TBC1D23: variants seen among roughly 807,000 people sequenced by gnomAD.
TBC1D23 encodes HCV non-structural protein 4A-transactivated protein 1.
Under a neutral mutation model 91.4 loss-of-function variants are expected in TBC1D23, and 55 were observed. The ratio of observed to expected loss-of-function variants is 0.60; its 90% CI spans 0.48 to 0.75. TBC1D23 has a LOEUF of 0.75. TBC1D23 is among the 30% of genes least tolerant of loss of function. The pLI, the probability that TBC1D23 is intolerant of heterozygous loss-of-function variation, is 0.00. For missense variants in TBC1D23, 725 were observed against 836.1 expected (o/e 0.87, Z 1.64); for synonymous variants, 289 against 281.0 (o/e 1.03, Z -0.28).
intron 3 of TBC1D23, 48 bp downstream of exon 3, chr3:100,281,895 T>TTGGAAAATAAAA: frequency 7.9e-7 from 1 of 1,259,158 alleles, no homozygotes; most frequent in Non-Finnish European, 1.1e-6. Context: ...TGGAAATAAT[T>TTGGAAAATAAAA]TTTGGGTTGA....
At position 100,272,639 on chromosome 3, in the gene TBC1D23, C is replaced by T. The variant is rs576867357; in HGVS notation, c.54-7010C>T. ...CCAGCGTTCAGCATATGGAGGATCC[C>T]GCCAGCCTCTGAGTTCCCTTAGTAT... On this transcript the variant is annotated intron_variant, in intron 1 of 18. Transcript: ENST00000394144. Among the ~76,000 whole-genome samples, 80 of 152,224 alleles carry T rather than the reference C, an allele frequency of 5.3e-4. No individual in the cohort carries two copies. The South Asian group carries it at 0.013, about 24-fold the overall frequency.
At chr3:100,262,034 A>G (rs898811462) in intron 1 of TBC1D23, among the ~76,000 whole-genome samples, 1 of 152,230 alleles carries the variant, frequency 6.6e-6, no homozygotes, top group Non-Finnish European at 1.5e-5. Flanking sequence ...ATCCCAGAGG[A>G]AAAAAATGGA....
intron 7 of TBC1D23, 151 bp from the exon 8 acceptor site, chr3:100,296,021 G>C (rs2067836013): frequency 2.2e-6 from 1 of 451,266 alleles, no homozygotes; most frequent in East Asian, 3.5e-5. Flanking sequence ...AGCTCATTTG[G>C]AGAAATCCAC....
rs564329335 is a variant in TBC1D23 at position 100,318,999 on chromosome 3, T to C, written c.1688-70T>C. 51 of 1,040,730 alleles carry C rather than the reference T, an allele frequency of 4.9e-5. No individual in the cohort carries two copies. In the Admixed American group the frequency reaches 1.4e-3, roughly 29 times the overall value. 64.5% of individuals were successfully genotyped at this position (1,040,730 alleles called of 1,614,324 possible). A position where few individuals can be genotyped will look rare whatever the true frequency, so the allele number is the denominator to read the frequency against. On this transcript the variant is annotated intron_variant, in intron 16 of 18. Coordinates refer to ENST00000394144, the MANE Select transcript of TBC1D23 (RefSeq NM_001199198.3). ...CTTCAAAATACTACTGAAATTTTTT[T>C]AGACTGTTAGGGAATGTATCATTTT...
intron 13 of TBC1D23, among the ~76,000 whole-genome samples, chr3:100,309,347 CT>C (rs1412263513): frequency 6.6e-6 from 1 of 152,094 alleles, no homozygotes; most frequent in Non-Finnish European, 1.5e-5. Flanking sequence ...TTTGATTATA[CT>C]TTTGCTTATT....
At chr3:100,299,674 T>G (rs982510735) in intron 10 of TBC1D23, among the ~76,000 whole-genome samples, 7 of 152,122 alleles carry the variant, frequency 4.6e-5, no homozygotes, top group African/African-American at 1.7e-4. Context: ...CAGGCCCGGC[T>G]AATTTTTTGT....
At chr3:100,290,997 A>G (rs2067785218) in intron 5 of TBC1D23, among the ~76,000 whole-genome samples, 1 of 152,200 alleles carries the variant, frequency 6.6e-6, no homozygotes, top group African/African-American at 2.4e-5. Context: ...TATATGTAAT[A>G]AATATGAATA....
At chr3:100,297,735 CAG>C (rs1266626375) in intron 8 of TBC1D23, among the ~76,000 whole-genome samples, 186 bp from the exon 9 acceptor site, 1 of 151,148 alleles carries the variant, frequency 6.6e-6, no homozygotes, top group African/African-American at 2.4e-5. Context: ...TGAACACTGA[CAG>C]GGACTTTATG....
Position 100,311,269 on chromosome 3 carries a change from C to T in TBC1D23, c.1554-564C>T, listed in dbSNP as rs139165013. Among the ~76,000 whole-genome samples, 712 of 152,278 alleles carry T rather than the reference C, an allele frequency of 4.7e-3. 2 individuals are homozygous for T. Among genetic ancestry groups the T allele is most frequent in the Non-Finnish European group, 6.4e-3 (432 of 68,006 alleles). The stretch of plus-strand genomic sequence containing the variant: ...CATGTCTTGCAGTATCCTGGGAAAA[C>T]TGACATATTTTACTTTAAGAATTGA... On this transcript the variant is annotated intron_variant, in intron 14 of 18. Coordinates refer to ENST00000394144, the MANE Select transcript of TBC1D23 (RefSeq NM_001199198.3).
chr3:100,284,560 A>G (rs976397964), intron 4 of TBC1D23, among the ~76,000 whole-genome samples: 2 of 152,052 alleles, frequency 1.3e-5, no homozygotes, highest in African/African-American at 2.4e-5. Context: ...TGCTATGGGG[A>G]TGTATAATGG....
chr3:100,295,581 C>G (rs1242550391), intron 7 of TBC1D23, among the ~76,000 whole-genome samples: 3 of 152,104 alleles, frequency 2.0e-5, no homozygotes, highest in African/African-American at 7.2e-5. Context: ...TTTCCATATA[C>G]TATTTCATTA....
chr3:100,316,508 A>C (rs1332715924), intron 16 of TBC1D23, among the ~76,000 whole-genome samples: 2 of 152,052 alleles, frequency 1.3e-5, no homozygotes, highest in Non-Finnish European at 2.9e-5. Context: ...GAGTAGAGGC[A>C]GTTGATTATA....
chr3:100,294,501 TC>T (rs1242194397), intron 5 of TBC1D23, among the ~76,000 whole-genome samples: 1 of 152,126 alleles, frequency 6.6e-6, no homozygotes, highest in Non-Finnish European at 1.5e-5. Flanking sequence ...CCTCAGGTGA[TC>T]CACCCACCTT....
At chr3:100,268,788 A>G (rs2148849253) in intron 1 of TBC1D23, among the ~76,000 whole-genome samples, 1 of 152,324 alleles carries the variant, frequency 6.6e-6, no homozygotes, top group South Asian at 2.1e-4. Flanking sequence ...ATAGAAGGGA[A>G]CAGTGTTGAG....
At chr3:100,265,232 T>C (rs1331525225) in intron 1 of TBC1D23, among the ~76,000 whole-genome samples, 2 of 152,242 alleles carry the variant, frequency 1.3e-5, no homozygotes, top group African/African-American at 4.8e-5. Context: ...TGTAATTATG[T>C]GCAATAGCAT....
intron 1 of TBC1D23, among the ~76,000 whole-genome samples, chr3:100,263,706 C>T (rs941725428): frequency 3.3e-5 from 5 of 152,088 alleles, no homozygotes; most frequent in African/African-American, 1.2e-4. Flanking sequence ...CTGGTTATAG[C>T]CTGAAGTTTG....
At chr3:100,302,297 T>G (rs1165267804) in intron 11 of TBC1D23, 60 bp downstream of exon 11, 1 of 1,374,196 alleles carries the variant, frequency 7.3e-7, no homozygotes, top group Non-Finnish European at 9.7e-7. Flanking sequence ...TTAAAAAATT[T>G]ACATAGATAA....
intron 18 of TBC1D23, among the ~76,000 whole-genome samples, chr3:100,322,806 T>C (rs913210576): frequency 1.1e-4 from 17 of 152,116 alleles, no homozygotes; most frequent in African/African-American, 4.1e-4. Context: ...AAGATAGTCT[T>C]AATAGTGGAA....
intron 10 of TBC1D23, among the ~76,000 whole-genome samples, chr3:100,301,426 T>C (rs964739170): frequency 1.3e-5 from 2 of 152,248 alleles, no homozygotes; most frequent in African/African-American, 4.8e-5. Context: ...TGAACATTAT[T>C]TTTTGTGAGT....
Sources: gnomAD v4.1 joint callset for allele counts (sites outside exome capture counted in the v4.1 genomes callset) on GRCh38, gnomAD v4.1.1 for gene constraint, MANE v1.5 for transcripts, NCBI Gene and HGNC (gene_info 2026-07-23, HGNC 2026-07-21) for gene names.